Variants in SGCZ observed in about 807,000 individuals in gnomAD.
SGCZ encodes zeta-sarcoglycan.
A neutral mutation model predicts 41.3 loss-of-function variants in SGCZ; 40 were observed. That is an observed-to-expected ratio of 0.97 (90% confidence interval 0.75 to 1.26). The LOEUF is 1.26. Ranked by LOEUF, SGCZ falls within the 50% of genes most tolerant of loss-of-function variation. The pLI, the probability that SGCZ is intolerant of heterozygous loss-of-function variation, is 0.00. For synonymous variants in SGCZ, 206 were observed against 137.5 expected, an observed-to-expected ratio of 1.50 and a Z score of -3.49; for missense variants, 552 against 369.8, an observed-to-expected ratio of 1.49 and a Z score of -4.04.
At chr8:15,172,168 T>TATTTTATTTTATTTTA (rs979047830) in intron 1 of SGCZ, among the ~76,000 whole-genome samples, 51 of 129,654 alleles carry the variant, frequency 3.9e-4, no homozygotes, top group African/African-American at 1.5e-3. Context: ...TTTTTTTTTT[T>TATTTTATTTTATTTTA]TTTTTTTTTT....
At chr8:14,696,943 G>C (rs1220842116) in intron 1 of SGCZ, among the ~76,000 whole-genome samples, 1 of 144,104 alleles carries the variant, frequency 6.9e-6, no homozygotes, top group South Asian at 2.2e-4. Flanking sequence ...AAATAATTAG[G>C]AAATCTATGT....
chr8:14,376,991 G>A (rs890287820), intron 2 of SGCZ, among the ~76,000 whole-genome samples: 1 of 152,192 alleles, frequency 6.6e-6, no homozygotes, highest in Admixed American at 6.5e-5. Flanking sequence ...GATTGATGAG[G>A]TGAGAGGAAC....
intron 5 of SGCZ, among the ~76,000 whole-genome samples, chr8:14,132,336 T>G (rs1345855400): frequency 6.6e-6 from 1 of 152,224 alleles, no homozygotes; most frequent in Non-Finnish European, 1.5e-5. Context: ...AGGTAATATG[T>G]GTACACAACA....
chr8:14,290,766 T>A (rs1010166452), intron 3 of SGCZ, among the ~76,000 whole-genome samples: 1 of 152,048 alleles, frequency 6.6e-6, no homozygotes, highest in African/African-American at 2.4e-5. Flanking sequence ...ACAATTCTTT[T>A]GAAAAACAGT....
chr8:15,048,559 C>G, intron 1 of SGCZ, among the ~76,000 whole-genome samples: 1 of 152,070 alleles, frequency 6.6e-6, no homozygotes, highest in East Asian at 1.9e-4. Context: ...GATCATTACA[C>G]ATTGTGTACA....
At chr8:14,881,381 T>A (rs1430413539) in intron 1 of SGCZ, among the ~76,000 whole-genome samples, 2 of 152,112 alleles carry the variant, frequency 1.3e-5, no homozygotes, top group Non-Finnish European at 2.9e-5. Flanking sequence ...CCATACACCA[T>A]GTCGGTGGTT....
intron 1 of SGCZ, among the ~76,000 whole-genome samples, chr8:14,681,997 A>G (rs1685040735): frequency 6.6e-6 from 1 of 152,124 alleles, no homozygotes; most frequent in African/African-American, 2.4e-5. Context: ...AGTAACAGAG[A>G]ACGAATTTGA....
intron 1 of SGCZ, among the ~76,000 whole-genome samples, chr8:14,591,984 G>GTTA (rs1381058112): frequency 1.3e-5 from 2 of 152,070 alleles, no homozygotes; most frequent in African/African-American, 2.4e-5. Context: ...ATAGTAAACA[G>GTTA]TTATTGGAAC....
At chr8:14,456,453 A>C (rs1800748138) in intron 2 of SGCZ, among the ~76,000 whole-genome samples, 1 of 152,190 alleles carries the variant, frequency 6.6e-6, no homozygotes, top group Admixed American at 6.5e-5. Context: ...GGAAAAGTTC[A>C]TGACATGTAG....
chr8:14,570,116 T>C (rs1474058267), intron 1 of SGCZ, among the ~76,000 whole-genome samples: 1 of 152,130 alleles, frequency 6.6e-6, no homozygotes, highest in Non-Finnish European at 1.5e-5. Context: ...GTCACGTCCA[T>C]TAGAATATAA....
In SGCZ at chr8:14,274,347, C is replaced by T. The variant is rs144135205; in HGVS notation, c.337-36668G>A. On this transcript the variant is annotated intron_variant, in intron 3 of 7. Transcript: ENST00000382080. ...GCACTGTTAAGGTTTATTATTAACG[C>T]TGCACTTATTAAGGAGACAGTTGGT... Among the ~76,000 whole-genome samples, 394 of 152,222 alleles carry T rather than the reference C, an allele frequency of 2.6e-3. 5 individuals are homozygous for T. The highest frequency in any genetic ancestry group is 8.0e-3 in the African/African-American group (333 of 41,540).
chr8:15,229,920 G>T (rs576410516), intron 1 of SGCZ, among the ~76,000 whole-genome samples: 128 of 152,252 alleles, frequency 8.4e-4, no homozygotes, highest in African/African-American at 2.9e-3. Flanking sequence ...AAACATGTGT[G>T]GAAATAAGTT....
At chr8:14,345,127 A>G (rs1585388812) in intron 2 of SGCZ, among the ~76,000 whole-genome samples, 1 of 152,164 alleles carries the variant, frequency 6.6e-6, no homozygotes, top group Non-Finnish European at 1.5e-5. Context: ...ATGAACTGAA[A>G]TGGAAACTTC....
At chr8:14,698,299 T>A (rs553836335) in intron 1 of SGCZ, among the ~76,000 whole-genome samples, 1 of 152,078 alleles carries the variant, frequency 6.6e-6, no homozygotes, top group South Asian at 2.1e-4. Flanking sequence ...TCCCATTAGC[T>A]GGCCTTAGGA....
intron 1 of SGCZ, among the ~76,000 whole-genome samples, chr8:15,162,370 T>C (rs1276641498): frequency 6.6e-6 from 1 of 152,224 alleles, no homozygotes; most frequent in Non-Finnish European, 1.5e-5. Context: ...TGTGGAGTTA[T>C]TCAGGAGAAT....
chr8:14,858,966 T>C (rs761773302), intron 1 of SGCZ, among the ~76,000 whole-genome samples: 16 of 152,152 alleles, frequency 1.1e-4, no homozygotes, highest in African/African-American at 2.2e-4. Flanking sequence ...CCTTTGATTA[T>C]AGATTTACTT....
intron 2 of SGCZ, among the ~76,000 whole-genome samples, chr8:14,457,732 G>A (rs1450535142): frequency 6.6e-6 from 1 of 152,166 alleles, no homozygotes; most frequent in African/African-American, 2.4e-5. Flanking sequence ...TCGGCTGCCA[G>A]GCAGAGAAGG....
At chr8:14,710,416 C>T (rs1809479763) in intron 1 of SGCZ, among the ~76,000 whole-genome samples, 1 of 146,886 alleles carries the variant, frequency 6.8e-6, no homozygotes, top group African/African-American at 2.5e-5. Context: ...TTCTTATTTT[C>T]AAACTTGATC....
At chr8:14,826,874 T>C (rs556138321) in intron 1 of SGCZ, among the ~76,000 whole-genome samples, 53 of 152,254 alleles carry the variant, frequency 3.5e-4, no homozygotes, top group African/African-American at 1.3e-3. Flanking sequence ...TTTTCTCCCA[T>C]TCTGTAGGCT....
Sources: gnomAD v4.1 joint callset for allele counts (sites outside exome capture counted in the v4.1 genomes callset) on GRCh38, gnomAD v4.1.1 for gene constraint, MANE v1.5 for transcripts, NCBI Gene and HGNC (gene_info 2026-07-23, HGNC 2026-07-21) for gene names.